The following CELF3 variants were observed in gnomAD, a reference collection of about 807,000 sequenced individuals.
CELF3 encodes the protein CAG repeat domain.
Under a neutral mutation model 59.6 loss-of-function variants are expected in CELF3, and 26 were observed. The observed-to-expected ratio is 0.44, with a 90% CI of 0.32 to 0.61. The LOEUF (loss-of-function observed/expected upper bound fraction) is 0.61. CELF3 is among the 20% of genes least tolerant of loss of function. CELF3 has a pLI of 0.06. For missense variants in CELF3, 387 were observed against 627.2 expected (o/e 0.62, Z 4.09); for synonymous variants, 245 against 250.7 (o/e 0.98, Z 0.22).
At chr1:151,706,796 T>TCTCTGGGC (rs1259224400) in intron 8 of CELF3, 62 bp from the exon 9 acceptor site, 2 of 1,312,378 alleles carry the variant, frequency 1.5e-6, no homozygotes, top group Non-Finnish European at 2.1e-6. Flanking sequence ...CCTCAGTGCC[T>TCTCTGGGC]CTCTGGGCCT....
In CELF3 at chr1:151,714,650, G is replaced by C; in HGVS notation, c.172C>G (p.Arg58Gly). ...KGCAFLTYCA[R>G]DSALKAQSAL... The stretch of plus-strand genomic sequence containing the variant: ...CTCTGGGCCTTCAGGGCTGAATCCC[G>C]GGCACAGTATGTCAGGAAGGCACAT... The change falls in exon 2 of 13, where the codon CGG becomes GGG. Residue 58 changes from arginine to glycine, a missense_variant. Physicochemically the swap from Arg to Gly is moderately radical, Grantham distance 125. This residue lies in a region of CELF3 where 208 missense variants were observed against 354.8 expected (regional missense o/e 0.59). Coordinates refer to ENST00000290583, the MANE Select transcript of CELF3 (RefSeq NM_007185.7). 1 of 1,561,582 alleles carries C rather than the reference G, an allele frequency of 6.4e-7. No individual in the cohort carries two copies. Among genetic ancestry groups the C allele is most frequent in the South Asian group, 1.2e-5 (1 of 84,592 alleles).
intron 2 of CELF3, among the ~76,000 whole-genome samples, chr1:151,712,962 A>T (rs886397560): frequency 2.6e-5 from 4 of 152,054 alleles, no homozygotes; most frequent in African/African-American, 9.7e-5. Context: ...GTGCAAACAC[A>T]CACTGAGGGG....
chr1:151,710,815 G>T (rs931472208), intron 2 of CELF3: 3 of 456,392 alleles, frequency 6.6e-6, no homozygotes, highest in African/African-American at 2.0e-5. Context: ...TTCTTGTCTG[G>T]TGAGAGGACT....
intron 5 of CELF3, chr1:151,708,266 T>C: frequency 3.5e-6 from 1 of 289,168 alleles, no homozygotes. Flanking sequence ...AGCAAATGTT[T>C]AATCTCAGGC....
Position 151,716,121 on chromosome 1 carries a change from G to A in CELF3, c.-101C>T. ...ATAAGTGGTGGGGCCCGGGGGCCCA[G>A]CTGGGGCTGGCTTTCCCTTTGGCCC... On this transcript the variant is annotated 5_prime_UTR_variant, in exon 1 of 13. Transcript: ENST00000290583. The A allele has an allele frequency of 8.0e-7, 1 of 1,252,384 alleles. No individual in the cohort carries two copies. Among genetic ancestry groups the A allele is most frequent in the Non-Finnish European group, 1.1e-6 (1 of 922,830 alleles). The allele number at this position is 1,252,384 out of a possible 1,614,324, so 77.6% of individuals were successfully genotyped here.
Position 151,707,806 on chromosome 1 carries a change from C to G in CELF3, c.616G>C (p.Ala206Pro). Residue 206 changes from alanine to proline, a missense_variant, in exon 6 of 13, where the codon GCC becomes CCC. By Grantham distance (27) the Ala-to-Pro change is conservative. Coordinates refer to ENST00000290583, the MANE Select transcript of CELF3 (RefSeq NM_007185.7). ...PIALQFGAYS[A>P]YTQALMQQQA... Reference sequence around the variant, plus strand: ...GCAGTGCTCACGGCCTGGGTGTAGGCGCTGTAGGCTCCAAACTGGAGGGCG... The same window carrying G: ...GCAGTGCTCACGGCCTGGGTGTAGGGGCTGTAGGCTCCAAACTGGAGGGCG... The G allele has an allele frequency of 1.9e-6, 3 of 1,613,588 alleles. No homozygotes were observed. Among genetic ancestry groups the G allele is most frequent in the Non-Finnish European group, 2.5e-6 (3 of 1,179,644 alleles).
At position 151,705,232 on chromosome 1, in the gene CELF3, T is replaced by C. The variant is rs530728817; in HGVS notation, c.1271-64A>G. On this transcript the variant is annotated intron_variant, in intron 11 of 12. Coordinates refer to ENST00000290583, the MANE Select transcript of CELF3 (RefSeq NM_007185.7). The surrounding 1 kb of genome is among the most constrained non-coding windows in gnomAD (Gnocchi z 5.1). ...CTCGCTCTTCCGTGCTTAGGAGACC[T>C]CTGGCACTACCCTGTGTCTCCCAAG... 7 of 1,536,058 alleles carry C rather than the reference T, an allele frequency of 4.6e-6. No individual in the cohort carries two copies. In the African/African-American group the frequency reaches 8.2e-5, roughly 18 times the overall value.
chr1:151,703,681 G>A (rs962959191), intron 12 of CELF3, among the ~76,000 whole-genome samples: 2 of 152,172 alleles, frequency 1.3e-5, no homozygotes, highest in East Asian at 3.9e-4. Context: ...GAAACCAAAC[G>A]GTATTAGGAA....
At chr1:151,714,457 G>A (rs1673288473) in intron 2 of CELF3, 137 bp downstream of exon 2, 1 of 726,040 alleles carries the variant, frequency 1.4e-6, no homozygotes, top group South Asian at 1.5e-5. Flanking sequence ...AAGAAAGATG[G>A]ATGCTACAGA....
In CELF3 at chr1:151,706,689, G is replaced by C; in HGVS notation, c.968C>G (p.Ala323Gly). ...CTCACCTGTGTAGTGCTGCATCCCCGCGTAGGCCTGCTGCAGGGGGTCCAC... is the reference window on the plus strand; with the variant it reads ...CTCACCTGTGTAGTGCTGCATCCCCCCGTAGGCCTGCTGCAGGGGGTCCAC... ...APVDPLQQAY[A>G]GMQHYTAAYP... Residue 323 changes from alanine to glycine, a missense_variant, in exon 9 of 13, where the codon GCG becomes GGG. Ala to Gly is a moderately conservative substitution (Grantham distance 60, BLOSUM62 0). Around this residue, in one of 3 missense-constraint regions of CELF3, gnomAD observed 131 missense variants for 153.7 expected, o/e 0.85. Coordinates refer to ENST00000290583, the MANE Select transcript of CELF3 (RefSeq NM_007185.7). 6.4e-7 allele frequency: 1 copy of C among 1,551,304 alleles called. No individual in the cohort carries two copies. Among genetic ancestry groups the C allele is most frequent in the Non-Finnish European group, 8.7e-7 (1 of 1,146,914 alleles).
Position 151,709,515 on chromosome 1 carries a change from T to C in CELF3, c.278-167A>G. 9.5e-7 allele frequency: 1 copy of C among 1,048,114 alleles called. No individual in the cohort carries two copies. Among genetic ancestry groups the C allele is most frequent in the Non-Finnish European group, 1.4e-6 (1 of 706,592 alleles). The allele number at this position is 1,048,114 out of a possible 1,614,324, so 64.9% of individuals were successfully genotyped here. A position where few individuals can be genotyped will look rare whatever the true frequency, so the allele number is the denominator to read the frequency against. On this transcript the variant is annotated intron_variant, in intron 3 of 12. Transcript: ENST00000290583. The surrounding 1 kb of genome is among the most constrained non-coding windows in gnomAD (Gnocchi z 4.9). ...AATGGGGTATAGTTGCAGAGGGTGC[T>C]CATCCCAGCTCTGAGGGACTCGCAC...
intron 12 of CELF3, among the ~76,000 whole-genome samples, chr1:151,704,066 C>T (rs1044182478): frequency 1.3e-5 from 2 of 152,156 alleles, no homozygotes; most frequent in African/African-American, 4.8e-5. Flanking sequence ...CTTCCCTCCG[C>T]GGCCCCTCCC....
At position 151,703,326 on chromosome 1, in the gene CELF3, C is replaced by T. The variant is rs773100453; in HGVS notation, c.*133G>A. On this transcript the variant is annotated 3_prime_UTR_variant, in exon 13 of 13. Transcript: ENST00000290583. ...GGGAGGGGCCGGTGTCTTGTGCCCC[C>T]GGGGGCCACGAAGCAGCGTTTGCCC... is the stretch of plus-strand genomic sequence containing the variant. 44 of 452,494 alleles carry T rather than the reference C, an allele frequency of 9.7e-5. No homozygotes were observed. The highest frequency in any genetic ancestry group is 2.6e-4 in the Admixed American group (11 of 42,358). 28.0% of individuals were successfully genotyped at this position (452,494 alleles called of 1,614,324 possible). A position where few individuals can be genotyped will look rare whatever the true frequency, so the allele number is the denominator to read the frequency against.
Position 151,708,987 on chromosome 1 carries a change from GT to G in CELF3, c.486+10del, listed in dbSNP as rs1672785951. ...GAAGGAGAGGCCCGGGGGCAGGGGA[GT>G]GGGGCTCACTGGCAGGGTCCGGCTG... On this transcript the variant is annotated intron_variant, in intron 5 of 12. Transcript: ENST00000290583. The G allele has an allele frequency of 6.2e-7, 1 of 1,612,536 alleles. No homozygotes were observed. The highest frequency in any genetic ancestry group is 1.1e-5 in the South Asian group (1 of 91,002).
At chr1:151,714,304 G>T (rs867286012) in intron 2 of CELF3, 2 of 581,360 alleles carry the variant, frequency 3.4e-6, no homozygotes, top group African/African-American at 3.7e-5. Flanking sequence ...CTTCCAACCA[G>T]CGAGTCCTCC....
chr1:151,703,572 C>A, intron 12 of CELF3, 124 bp from the exon 13 acceptor site: 1 of 309,910 alleles, frequency 3.2e-6, no homozygotes, highest in African/African-American at 2.2e-5. Flanking sequence ...CTGAGGAAGG[C>A]AGATCATCAG....
chr1:151,713,778 G>A (rs1673225374), intron 2 of CELF3, among the ~76,000 whole-genome samples: 1 of 152,210 alleles, frequency 6.6e-6, no homozygotes, highest in Non-Finnish European at 1.5e-5. Context: ...GTGGGCGTGG[G>A]GGTTTGGGTG....
Position 151,701,791 on chromosome 1 carries a change from G to A in CELF3, c.*1668C>T, listed in dbSNP as rs1178096696. Among the ~76,000 whole-genome samples the A allele has an allele frequency of 1.3e-5, 2 of 152,134 alleles. No individual in the cohort carries two copies. Among genetic ancestry groups the A allele is most frequent in the African/African-American group, 2.4e-5 (1 of 41,434 alleles). On this transcript the variant is annotated 3_prime_UTR_variant, in exon 13 of 13. Coordinates refer to ENST00000290583, the MANE Select transcript of CELF3 (RefSeq NM_007185.7). Reference sequence around the variant, plus strand: ...TTAAAAATGAGCTGGGCGTGGTGGTGCAGCCGCTTATAGTCCTAACTACTT... The same window carrying A: ...TTAAAAATGAGCTGGGCGTGGTGGTACAGCCGCTTATAGTCCTAACTACTT...
intron 2 of CELF3, chr1:151,710,370 A>G (rs1672913148): frequency 3.4e-6 from 1 of 293,222 alleles, no homozygotes; most frequent in Admixed American, 4.4e-5. Flanking sequence ...AATGCGCACC[A>G]TGGCAACCGC....
Sources: allele counts gnomAD v4.1 joint callset (sites outside exome capture counted in the v4.1 genomes callset), GRCh38; gene constraint gnomAD v4.1.1; regional missense constraint gnomAD v4.1.1; non-coding constraint Gnocchi (gnomAD v3.1); transcripts MANE v1.5; gene names NCBI Gene and HGNC (gene_info 2026-07-23, HGNC 2026-07-21).